Variants in SPATA33 observed in about 807,000 individuals in gnomAD.
The protein encoded by SPATA33 is spermatogenesis associated 33, also known as spermatogenesis-associated protein 33.
In SPATA33, 10 loss-of-function variants were observed where a neutral mutation model predicts 8.9. The ratio of observed to expected loss-of-function variants is 1.12; its 90% CI spans 0.69 to 1.90. The LOEUF is 1.90. Among genes scored for constraint, SPATA33 ranks in the 40% most tolerant of loss-of-function variants. The pLI, the probability that SPATA33 is intolerant of heterozygous loss-of-function variation, is 0.00. For missense variants in SPATA33, 241 were observed against 178.3 expected (o/e 1.35, Z -2.00); for synonymous variants, 96 against 72.8 (o/e 1.32, Z -1.63).
intron 2 of SPATA33, among the ~76,000 whole-genome samples, chr16:89,663,988 G>A (rs1330818385): frequency 1.3e-5 from 2 of 152,102 alleles, no homozygotes; most frequent in Admixed American, 1.3e-4. Flanking sequence ...GTGTAGTGGA[G>A]TGTGCCTGTA....
chr16:89,661,237 A>C (rs935103338), intron 2 of SPATA33: 16 of 983,660 alleles, frequency 1.6e-5, no homozygotes, highest in Non-Finnish European at 1.9e-5. Flanking sequence ...CCTCACCCAA[A>C]TCTCATTTTG....
In SPATA33 at chr16:89,658,233, A is replaced by T. The variant is rs1213528767; in HGVS notation, c.38-15A>T. ...CGGTAAGTCCCGGGTCTAACGGATGATCCATATATTTCAGGTGAGGAGCAA... is the reference window on the plus strand; with the variant it reads ...CGGTAAGTCCCGGGTCTAACGGATGTTCCATATATTTCAGGTGAGGAGCAA... On this transcript the variant is annotated splice_polypyrimidine_tract_variant and intron_variant, in intron 1 of 2. Coordinates refer to ENST00000579310, the MANE Select transcript of SPATA33 (RefSeq NM_001271907.2). The T allele has an allele frequency of 6.2e-7, 1 of 1,613,856 alleles. No individual in the cohort carries two copies. Among genetic ancestry groups the T allele is most frequent in the African/African-American group, 1.3e-5 (1 of 74,944 alleles).
At chr16:89,664,784 G>A (rs1365365309) in intron 2 of SPATA33, among the ~76,000 whole-genome samples, 3 of 152,170 alleles carry the variant, frequency 2.0e-5, no homozygotes, top group Non-Finnish European at 2.9e-5. Context: ...ACCAGAATGG[G>A]CTTAGAAGAG....
chr16:89,668,960 C>T (rs543704634), intron 2 of SPATA33, among the ~76,000 whole-genome samples: 1 of 152,304 alleles, frequency 6.6e-6, no homozygotes, highest in South Asian at 2.1e-4. Flanking sequence ...GAACCTTGAG[C>T]TCTGAGGCGG....
rs1480326977 is a variant in SPATA33, at chr16:89,657,877, C to T, written c.-35C>T. 6.6e-7 allele frequency: 1 copy of T among 1,515,410 alleles called. No individual in the cohort carries two copies. The allele number at this position is 1,515,410 out of a possible 1,614,324, so 93.9% of individuals were successfully genotyped here. A position where few individuals can be genotyped will look rare whatever the true frequency, so the allele number is the denominator to read the frequency against. The stretch of plus-strand genomic sequence containing the variant: ...TCCGCGGCCGCGGAGGTGTGGGGAC[C>T]CGGGCTTGCGTCGGAGGGGGCGGTG... On this transcript the variant is annotated 5_prime_UTR_variant, in exon 1 of 3. Transcript: ENST00000579310.
chr16:89,666,994 C>G (rs1026051796), intron 2 of SPATA33, among the ~76,000 whole-genome samples: 4 of 152,170 alleles, frequency 2.6e-5, no homozygotes, highest in Non-Finnish European at 5.9e-5. Context: ...CACAGGGAGA[C>G]GATTAGGCCT....
chr16:89,658,004 AGGGCGGGGCT>A (rs1437276736), intron 1 of SPATA33, 56 bp downstream of exon 1: 1 of 1,501,082 alleles, frequency 6.7e-7, no homozygotes, highest in Non-Finnish European at 8.8e-7. Flanking sequence ...GCGCGGGCCC[AGGGCGGGGCT>A]GGGCTGGGCG....
chr16:89,660,733 A>C, intron 2 of SPATA33: 1 of 756,636 alleles, frequency 1.3e-6, no homozygotes, highest in Non-Finnish European at 1.8e-6. Flanking sequence ...CAGAAATGGG[A>C]GCCGGCCACA....
At chr16:89,657,788 G>A (rs926386907), upstream of SPATA33, 1 of 1,457,798 alleles carries the variant, frequency 6.9e-7, no homozygotes. Flanking sequence ...GCGGCTGCGC[G>A]GCGCGCGGTC....
chr16:89,669,364 A>G lies in SPATA33; in HGVS notation c.290A>G (p.Glu97Gly), dbSNP rs2060067525. The G allele has an allele frequency of 1.2e-6, 2 of 1,614,200 alleles. No homozygotes were observed. The highest frequency in any genetic ancestry group is 1.7e-6 in the Non-Finnish European group (2 of 1,180,024). ...PQIIITRASN[E>G]TLVSCSSSGS... Reference sequence around the variant, plus strand: ...ATCATCATCACGCGAGCGTCGAATGAGACGCTAGTCAGTTGCAGTTCCAGC... The same window carrying G: ...ATCATCATCACGCGAGCGTCGAATGGGACGCTAGTCAGTTGCAGTTCCAGC... Residue 97 changes from glutamate to glycine, a missense_variant, in exon 3 of 3, where the codon GAG (glutamate) becomes GGG (glycine). By Grantham distance (98) the Glu-to-Gly change is moderately conservative. Transcript: ENST00000579310.
Position 89,669,732 on chromosome 16 carries a change from G to A in SPATA33, c.*235G>A. 1 of 524,242 alleles carries A rather than the reference G, an allele frequency of 1.9e-6. No individual in the cohort carries two copies. The highest frequency in any genetic ancestry group is 3.4e-6 in the Non-Finnish European group (1 of 294,982). 32.5% of individuals were successfully genotyped at this position (524,242 alleles called of 1,614,324 possible). On this transcript the variant is annotated 3_prime_UTR_variant, in exon 3 of 3. Transcript: ENST00000579310. ...CCCCTTCTCCAGTGCTCTCAGGGAG[G>A]GTGCACCAGGCCTGCCCCCGCCGTG...
intron 1 of SPATA33, 136 bp downstream of exon 1, chr16:89,658,084 C>G: frequency 6.8e-7 from 1 of 1,480,806 alleles, no homozygotes; most frequent in Non-Finnish European, 8.9e-7. Flanking sequence ...GCCGCCGAGT[C>G]CGCCACGGAC....
intron 2 of SPATA33, among the ~76,000 whole-genome samples, chr16:89,662,580 C>G (rs959295707): frequency 3.3e-5 from 5 of 151,712 alleles, no homozygotes; most frequent in African/African-American, 1.2e-4. Flanking sequence ...CCCGCCATGA[C>G]GCCCAGCTAA....
intron 2 of SPATA33, among the ~76,000 whole-genome samples, chr16:89,666,638 C>G (rs532058078): frequency 6.6e-6 from 1 of 152,110 alleles, no homozygotes; most frequent in Non-Finnish European, 1.5e-5. Context: ...CAGCTGGGCC[C>G]GGGGGACCAC....
Position 89,665,691 on chromosome 16 carries a change from G to A in SPATA33, c.212-3595G>A, listed in dbSNP as rs1386889333. ...TTTTAGACTAGAAAATTTCAATAGT[G>A]TAAATACGTTAACTTCTGTAAAATC... On this transcript the variant is annotated intron_variant, in intron 2 of 2. Coordinates refer to ENST00000579310, the MANE Select transcript of SPATA33 (RefSeq NM_001271907.2). Among the ~76,000 whole-genome samples, 11 of 152,164 alleles carry A rather than the reference G, an allele frequency of 7.2e-5. No homozygotes were observed. The East Asian group carries it at 2.1e-3, about 29-fold the overall frequency.
At chr16:89,660,236 T>C in intron 2 of SPATA33, 1 of 316,978 alleles carries the variant, frequency 3.2e-6, no homozygotes, top group Non-Finnish European at 5.7e-6. Context: ...GCAAAGGCAT[T>C]GCTCCTTGCT....
intron 2 of SPATA33, chr16:89,660,962 C>T: frequency 9.9e-7 from 1 of 1,007,934 alleles, no homozygotes; most frequent in Non-Finnish European, 1.2e-6. Flanking sequence ...CATCAGTGTC[C>T]AGCCCCAAGA....
chr16:89,669,721 C>G lies in SPATA33; in HGVS notation c.*224C>G. ...GAAGCCGTGGCCCCCTTCTCCAGTG[C>G]TCTCAGGGAGGGTGCACCAGGCCTG... On this transcript the variant is annotated 3_prime_UTR_variant, in exon 3 of 3. Coordinates refer to ENST00000579310, the MANE Select transcript of SPATA33 (RefSeq NM_001271907.2). 1.8e-6 allele frequency: 1 copy of G among 560,802 alleles called. No homozygotes were observed. 34.7% of individuals were successfully genotyped at this position (560,802 alleles called of 1,614,324 possible).
At chr16:89,664,453 G>A (rs568307989) in intron 2 of SPATA33, among the ~76,000 whole-genome samples, 3 of 152,298 alleles carry the variant, frequency 2.0e-5, no homozygotes, top group South Asian at 2.1e-4. Flanking sequence ...TCTCTCCTGC[G>A]ATTAGCTCAC....
Sources: allele counts gnomAD v4.1 joint callset (sites outside exome capture counted in the v4.1 genomes callset), GRCh38; gene constraint gnomAD v4.1.1; transcripts MANE v1.5; gene names NCBI Gene and HGNC (gene_info 2026-07-23, HGNC 2026-07-21).